PHLPP1: variants seen among roughly 807,000 people sequenced by gnomAD.
PHLPP1 encodes the protein PH domain and leucine rich repeat protein phosphatase 1, also known as PH domain leucine-rich repeat-containing protein phosphatase 1.
Under a neutral mutation model 117.2 loss-of-function variants are expected in PHLPP1, and 42 were observed. The observed-to-expected ratio is 0.36, with a 90% CI of 0.28 to 0.46. The LOEUF (loss-of-function observed/expected upper bound fraction) is 0.46. Among genes scored for constraint, PHLPP1 ranks in the 20% least tolerant of loss-of-function variants. PHLPP1 has a pLI of 1.00. For missense variants in PHLPP1, 2,084 were observed against 2,241.9 expected, an observed-to-expected ratio of 0.93 and a Z score of 1.42; for synonymous variants, 1,042 against 970.7, an observed-to-expected ratio of 1.07 and a Z score of -1.37.
At chr18:62,832,443 G>C (rs1914782867) in intron 2 of PHLPP1, 1 of 152,208 alleles carries the variant, frequency 6.6e-6, no homozygotes, top group Non-Finnish European at 1.5e-5. Flanking sequence ...AGAGGCAGAG[G>C]CAGGAAAGCA....
At chr18:62,892,151 C>G (rs796534998) in intron 4 of PHLPP1, among the ~76,000 whole-genome samples, 23 of 140,904 alleles carry the variant, frequency 1.6e-4, no homozygotes, top group African/African-American at 5.6e-4. Context: ...TGCAATGGCA[C>G]GATCTCGGCT....
intron 1 of PHLPP1, among the ~76,000 whole-genome samples, chr18:62,729,893 T>G (rs1322967149): frequency 6.6e-6 from 1 of 152,256 alleles, no homozygotes; most frequent in African/African-American, 2.4e-5. Flanking sequence ...TCTATCACCC[T>G]GTATGCTAAT....
intron 3 of PHLPP1, among the ~76,000 whole-genome samples, chr18:62,841,015 G>C (rs915523412): frequency 3.3e-5 from 5 of 152,134 alleles, no homozygotes; most frequent in African/African-American, 9.7e-5. Context: ...TCAGTCTCCT[G>C]AGTAGCTGAG....
intron 1 of PHLPP1, among the ~76,000 whole-genome samples, chr18:62,823,745 A>T (rs2144324708): frequency 6.6e-6 from 1 of 152,220 alleles, no homozygotes; most frequent in Admixed American, 6.5e-5. Context: ...AGATATGCGG[A>T]TCACAAACTT....
intron 6 of PHLPP1, among the ~76,000 whole-genome samples, chr18:62,897,653 C>T (rs1012869682): frequency 6.6e-6 from 1 of 152,098 alleles, no homozygotes; most frequent in Non-Finnish European, 1.5e-5. Flanking sequence ...ATTACAAGTG[C>T]CCGCCACCAC....
chr18:62,831,206 G>A (rs988717938), intron 2 of PHLPP1, among the ~76,000 whole-genome samples: 1 of 152,050 alleles, frequency 6.6e-6, no homozygotes, highest in Non-Finnish European at 1.5e-5. Flanking sequence ...CCAAGCATTG[G>A]TAAGGGTAGC....
At chr18:62,892,309 G>A (rs1285138718) in intron 4 of PHLPP1, among the ~76,000 whole-genome samples, 2 of 151,684 alleles carry the variant, frequency 1.3e-5, no homozygotes, top group East Asian at 2.0e-4. Context: ...GGCTGGTCTC[G>A]AACTCCTGAC....
chr18:62,946,631 C>T (rs958438820), intron 12 of PHLPP1, among the ~76,000 whole-genome samples: 15 of 151,854 alleles, frequency 9.9e-5, no homozygotes, highest in South Asian at 2.1e-4. Context: ...GTGTACAAGC[C>T]ATTTTGTTTG....
intron 12 of PHLPP1, among the ~76,000 whole-genome samples, chr18:62,954,672 T>C (rs768159731): frequency 2.4e-4 from 37 of 152,324 alleles, no homozygotes; most frequent in Non-Finnish European, 4.9e-4. Flanking sequence ...TAAAAGGGTG[T>C]TTTTGCTTAT....
At chr18:62,732,887 T>C (rs1362415439) in intron 1 of PHLPP1, among the ~76,000 whole-genome samples, 2 of 152,136 alleles carry the variant, frequency 1.3e-5, no homozygotes, top group African/African-American at 2.4e-5. Context: ...CAATTAGAAG[T>C]GGAGCCTGGA....
intron 1 of PHLPP1, among the ~76,000 whole-genome samples, chr18:62,816,416 A>T (rs950318932): frequency 1.3e-5 from 2 of 152,042 alleles, no homozygotes; most frequent in African/African-American, 2.4e-5. Flanking sequence ...ATACAAAAAA[A>T]TTTAGCTGGG....
chr18:62,732,607 A>T (rs1911257729), intron 1 of PHLPP1, among the ~76,000 whole-genome samples: 1 of 152,218 alleles, frequency 6.6e-6, no homozygotes, highest in Admixed American at 6.5e-5. Flanking sequence ...AGTAATTTTG[A>T]ATTTCTGGTC....
chr18:62,772,658 C>T (rs1026807769), intron 1 of PHLPP1, among the ~76,000 whole-genome samples: 2 of 151,712 alleles, frequency 1.3e-5, no homozygotes, highest in Non-Finnish European at 2.9e-5. Flanking sequence ...GGTGAGACCC[C>T]CATTTTTACT....
At chr18:62,776,046 A>G (rs1488311466) in intron 1 of PHLPP1, among the ~76,000 whole-genome samples, 2 of 152,110 alleles carry the variant, frequency 1.3e-5, no homozygotes, top group Non-Finnish European at 2.9e-5. Context: ...AGGCATAGAT[A>G]TATATCTATA....
chr18:62,848,424 A>T lies in PHLPP1; in HGVS notation c.1899+9515A>T, dbSNP rs564820255. Among the ~76,000 whole-genome samples the T allele has an allele frequency of 4.0e-4, 60 of 149,652 alleles. No homozygotes were observed. In the South Asian group the frequency reaches 7.9e-3, roughly 20 times the overall value. ...TAGTAGCCCTGTGAAGTAGGTGCTG[A>T]TAACAATTCTATGAGGTTGGTTTTT... On this transcript the variant is annotated intron_variant, in intron 3 of 16. Transcript: ENST00000262719.
intron 4 of PHLPP1, among the ~76,000 whole-genome samples, chr18:62,863,458 CT>C (rs2144364767): frequency 6.6e-6 from 1 of 152,304 alleles, no homozygotes; most frequent in Non-Finnish European, 1.5e-5. Flanking sequence ...CCACCTCGGC[CT>C]CCCAAAGTGC....
At chr18:62,824,048 C>G (rs1914541241) in intron 1 of PHLPP1, 1 of 379,614 alleles carries the variant, frequency 2.6e-6, no homozygotes, top group South Asian at 1.9e-5. Flanking sequence ...AGGAGAATTG[C>G]TTGAACCTGG....
intron 6 of PHLPP1, among the ~76,000 whole-genome samples, chr18:62,898,562 T>C (rs1456149172): frequency 6.6e-6 from 1 of 152,154 alleles, no homozygotes; most frequent in African/African-American, 2.4e-5. Context: ...TTCAGCCCAC[T>C]GGTATGTGAG....
chr18:62,740,413 C>T (rs1032850938), intron 1 of PHLPP1, among the ~76,000 whole-genome samples: 1 of 152,038 alleles, frequency 6.6e-6, no homozygotes, highest in Non-Finnish European at 1.5e-5. Flanking sequence ...ATCATAATAA[C>T]TCATGGATTA....
Sources: allele counts gnomAD v4.1 joint callset (sites outside exome capture counted in the v4.1 genomes callset), GRCh38; gene constraint gnomAD v4.1.1; transcripts MANE v1.5; gene names NCBI Gene and HGNC (gene_info 2026-07-23, HGNC 2026-07-21).